The following LRRC1 variants were observed in gnomAD, a reference collection of about 807,000 sequenced individuals.
LRRC1 encodes leucine rich repeat containing 1.
In LRRC1, 28 loss-of-function variants were observed where a neutral mutation model predicts 69.9. That is an observed-to-expected ratio of 0.40 (90% confidence interval 0.30 to 0.55). LRRC1 has a LOEUF of 0.55. Among genes scored for constraint, LRRC1 ranks in the 20% least tolerant of loss-of-function variants. The pLI, the probability that LRRC1 is intolerant of heterozygous loss-of-function variation, is 0.47. For synonymous variants in LRRC1, 236 were observed against 240.2 expected (o/e 0.98, Z 0.16); for missense variants, 498 against 609.0 (o/e 0.82, Z 1.92).
At chr6:53,903,961 G>A (rs1463126218) in intron 9 of LRRC1, among the ~76,000 whole-genome samples, 1 of 152,166 alleles carries the variant, frequency 6.6e-6, no homozygotes, top group African/African-American at 2.4e-5. Context: ...TGCCCATGCG[G>A]CACCCTGCTT....
Position 53,897,366 on chromosome 6 carries a change from G to T in LRRC1, c.642+7G>T. On this transcript the variant is annotated splice_region_variant and intron_variant, in intron 7 of 13. Transcript: ENST00000370888. ...ACTGTCAGAATTACCTCAGGTAAGT[G>T]GTAATTTCACAGTGTCTCCCCAAAA... 1 of 1,596,876 alleles carries T rather than the reference G, an allele frequency of 6.3e-7. No individual in the cohort carries two copies.
At chr6:53,867,869 A>G (rs1310915195) in intron 2 of LRRC1, among the ~76,000 whole-genome samples, 1 of 150,860 alleles carries the variant, frequency 6.6e-6, no homozygotes, top group African/African-American at 2.4e-5. Context: ...TGGGAGGATT[A>G]TTGGAGCCTC....
At chr6:53,866,194 C>T (rs374770403) in intron 2 of LRRC1, among the ~76,000 whole-genome samples, 57 of 152,244 alleles carry the variant, frequency 3.7e-4, no homozygotes, top group Admixed American at 6.5e-4. Flanking sequence ...TTGCCTTCCT[C>T]TCCCTTCTTA....
At chr6:53,866,507 C>T (rs1581885456) in intron 2 of LRRC1, among the ~76,000 whole-genome samples, 2 of 152,120 alleles carry the variant, frequency 1.3e-5, no homozygotes, top group South Asian at 4.1e-4. Flanking sequence ...GTGGAGGATA[C>T]AGCTAGTGGG....
At chr6:53,809,859 A>ACACAT (rs1764741034) in intron 1 of LRRC1, among the ~76,000 whole-genome samples, 1 of 152,094 alleles carries the variant, frequency 6.6e-6, no homozygotes, top group South Asian at 2.1e-4. Flanking sequence ...TAGTTATCTC[A>ACACAT]CACATCAGGA....
Position 53,831,241 on chromosome 6 carries a change from C to T in LRRC1, c.160-10869C>T, listed in dbSNP as rs184318121. Among the ~76,000 whole-genome samples the T allele has an allele frequency of 1.6e-4, 25 of 152,110 alleles. No homozygotes were observed. In the East Asian group the frequency reaches 4.3e-3, roughly 26 times the overall value. On this transcript the variant is annotated intron_variant, in intron 1 of 13. Coordinates refer to ENST00000370888, the MANE Select transcript of LRRC1 (RefSeq NM_018214.5). ...AGGGCCTAACAGTCTGAACAAACGG[C>T]ATTACATAGTCAATCCAGTTCACAT...
chr6:53,889,397 T>C lies in LRRC1; in HGVS notation c.446+6421T>C, dbSNP rs147562384. On this transcript the variant is annotated intron_variant, in intron 4 of 13. Transcript: ENST00000370888. ...AATTGAAAACCTAGGAGGGTTATTATTGGCATTATTTATAATAAAAAGGTA... is the reference window on the plus strand; with the variant it reads ...AATTGAAAACCTAGGAGGGTTATTACTGGCATTATTTATAATAAAAAGGTA... Among the ~76,000 whole-genome samples the C allele has an allele frequency of 2.7e-3, 413 of 152,306 alleles. 3 individuals carry two copies. Among genetic ancestry groups the C allele is most frequent in the African/African-American group, 9.4e-3 (389 of 41,564 alleles).
intron 8 of LRRC1, among the ~76,000 whole-genome samples, chr6:53,901,064 C>CA (rs11371331): frequency 0.85 from 128,882 of 152,030 alleles, 54,729 homozygotes; most frequent in East Asian, 0.96. Flanking sequence ...TGGCTCTATG[C>CA]GAGATGTTCA....
In LRRC1 at chr6:53,923,211, TTTTTAA is replaced by T. The variant is rs1274066247; in HGVS notation, c.*419_*424del. 1 of 155,782 alleles carries T rather than the reference TTTTTAA, an allele frequency of 6.4e-6. No homozygotes were observed. The highest frequency in any genetic ancestry group is 2.4e-5 in the African/African-American group (1 of 41,580). 9.6% of individuals were successfully genotyped at this position (155,782 alleles called of 1,614,324 possible). ...TTTATGTATGGGGAAAAATGGATACTTTTTAAACCTTTTTTGGCAGCTCAGATGGTG... is the reference window on the plus strand; with the variant it reads ...TTTATGTATGGGGAAAAATGGATACTACCTTTTTTGGCAGCTCAGATGGTG... On this transcript the variant is annotated 3_prime_UTR_variant, in exon 14 of 14. Transcript: ENST00000370888.
chr6:53,871,715 T>G (rs932580489), intron 2 of LRRC1, among the ~76,000 whole-genome samples: 1 of 152,216 alleles, frequency 6.6e-6, no homozygotes, highest in Non-Finnish European at 1.5e-5. Flanking sequence ...TTGCCCAGGC[T>G]TGGGTGCAGT....
chr6:53,882,313 C>A (rs887750678), intron 3 of LRRC1, among the ~76,000 whole-genome samples: 2 of 152,024 alleles, frequency 1.3e-5, no homozygotes, highest in African/African-American at 2.4e-5. Flanking sequence ...GCGCCACTGC[C>A]CTCCAGCCTG....
chr6:53,801,049 C>T (rs1562021038), intron 1 of LRRC1, among the ~76,000 whole-genome samples: 1 of 152,178 alleles, frequency 6.6e-6, no homozygotes, highest in Non-Finnish European at 1.5e-5. Context: ...CTTTAATTGT[C>T]TCTAGCTAGT....
intron 4 of LRRC1, among the ~76,000 whole-genome samples, chr6:53,889,969 G>A (rs1302986776): frequency 2.0e-5 from 3 of 152,154 alleles, no homozygotes; most frequent in African/African-American, 7.2e-5. Context: ...CTGGTGATCA[G>A]GCAGGTACAC....
Position 53,920,711 on chromosome 6 carries a change from A to C in LRRC1, c.1366A>C (p.Ser456Arg). Reference sequence around the variant, plus strand: ...GAACGAGCGTGCTGTCAACAGAGTCAGTGCGATCCGATTTGTGGAGGATGA... The same window carrying C: ...GAACGAGCGTGCTGTCAACAGAGTCCGTGCGATCCGATTTGTGGAGGATGA... ...AWNERAVNRV[S>R]AIRFVEDEKD... is the part of the protein sequence containing the mutation. The change falls in exon 13 of 14, where the codon AGT (serine) becomes CGT (arginine). Residue 456 changes from serine to arginine, a missense_variant. By Grantham distance (110) the Ser-to-Arg change is moderately radical. Around this residue, in one of 3 missense-constraint regions of LRRC1, gnomAD observed 162 missense variants for 162.9 expected, o/e 0.99. Transcript: ENST00000370888. 6.2e-7 allele frequency: 1 copy of C among 1,614,202 alleles called. No individual in the cohort carries two copies. Among genetic ancestry groups the C allele is most frequent in the Non-Finnish European group, 8.5e-7 (1 of 1,180,008 alleles).
intron 10 of LRRC1, among the ~76,000 whole-genome samples, chr6:53,912,128 A>G (rs1321577822): frequency 6.6e-6 from 1 of 152,222 alleles, no homozygotes; most frequent in African/African-American, 2.4e-5. Context: ...GAGGCTATGC[A>G]TGGTGGGTAG....
intron 4 of LRRC1, among the ~76,000 whole-genome samples, chr6:53,894,862 C>T (rs1767816263): frequency 6.6e-6 from 1 of 152,030 alleles, no homozygotes; most frequent in Non-Finnish European, 1.5e-5. Context: ...TGCAACTCCG[C>T]ACCAAGTTAC....
intron 1 of LRRC1, among the ~76,000 whole-genome samples, chr6:53,802,195 T>G (rs1019985271): frequency 6.6e-6 from 1 of 152,192 alleles, no homozygotes; most frequent in African/African-American, 2.4e-5. Context: ...AAGGTGTCTA[T>G]GCAGAGGTGA....
chr6:53,866,186 G>A (rs765505525), intron 2 of LRRC1, among the ~76,000 whole-genome samples: 12 of 152,120 alleles, frequency 7.9e-5, no homozygotes, highest in African/African-American at 2.9e-4. Context: ...GGGGAAGGTT[G>A]CCTTCCTCTC....
At chr6:53,797,302 A>C (rs1764330222) in intron 1 of LRRC1, among the ~76,000 whole-genome samples, 1 of 152,156 alleles carries the variant, frequency 6.6e-6, no homozygotes, top group African/African-American at 2.4e-5. Flanking sequence ...GATCTTGCTA[A>C]TGGATTATTA....
Sources: gnomAD v4.1 joint callset for allele counts (sites outside exome capture counted in the v4.1 genomes callset) on GRCh38, gnomAD v4.1.1 for gene constraint, gnomAD v4.1.1 regional missense constraint, MANE v1.5 for transcripts, NCBI Gene and HGNC (gene_info 2026-07-23, HGNC 2026-07-21) for gene names.